The following TMEM170A variants were observed in gnomAD, a reference collection of about 807,000 sequenced individuals.
TMEM170A encodes the protein transmembrane protein 170.
A neutral mutation model predicts 12.8 loss-of-function variants in TMEM170A; 18 were observed. The observed-to-expected ratio is 1.41, with a 90% CI of 0.97 to 2.09. The LOEUF (loss-of-function observed/expected upper bound fraction) is 2.09. TMEM170A is among the 30% of genes most tolerant of loss of function. The probability of loss-of-function intolerance (pLI) is 0.00; values close to 1 mark genes in which losing one functional copy is unlikely to be tolerated. For missense variants in TMEM170A, 220 were observed against 179.9 expected (o/e 1.22, Z -1.28); for synonymous variants, 107 against 76.2 (o/e 1.40, Z -2.11).
At chr16:75,448,098 T>C (rs1406802450) in intron 2 of TMEM170A, among the ~76,000 whole-genome samples, 1 of 152,184 alleles carries the variant, frequency 6.6e-6, no homozygotes, top group Non-Finnish European at 1.5e-5. Context: ...TGAAAAAGGA[T>C]CTTTTGAGTT....
chr16:75,451,969 T>C (rs2079696244), intron 1 of TMEM170A, 130 bp from the exon 2 acceptor site: 7 of 881,824 alleles, frequency 7.9e-6, no homozygotes, highest in Non-Finnish European at 1.0e-5. Flanking sequence ...GAAAAATTTT[T>C]ATTATTTTTA....
chr16:75,449,844 C>T (rs2079651506), intron 2 of TMEM170A, among the ~76,000 whole-genome samples: 1 of 152,028 alleles, frequency 6.6e-6, no homozygotes, highest in Non-Finnish European at 1.5e-5. Context: ...GCTTAAGGAA[C>T]TTGAACTGGG....
chr16:75,448,763 C>CA (rs756119851), intron 2 of TMEM170A, among the ~76,000 whole-genome samples: 70 of 137,318 alleles, frequency 5.1e-4, no homozygotes, highest in South Asian at 9.4e-4. Context: ...GATCCTGTCT[C>CA]AAAAAAAAAA....
rs2079965326 is a variant in TMEM170A at position 75,464,565 on chromosome 16, C to A, written c.36G>T (p.Ser12=). The A allele has an allele frequency of 6.3e-7, 1 of 1,585,854 alleles. No individual in the cohort carries two copies. The highest frequency in any genetic ancestry group is 8.6e-7 in the Non-Finnish European group (1 of 1,169,390). Residue 12 remains serine (S), a synonymous_variant, in exon 1 of 3, where the codon TCG becomes TCT. Coordinates refer to ENST00000561878, the MANE Select transcript of TMEM170A (RefSeq NM_145254.3). ...EREGSGGSGG[S]AGLLQQILSL... ...TCAGGATCTGCTGCAGGAGCCCGGC[C>A]GACCCGCCGCTGCCGCCGCTCCCCT...
At chr16:75,463,937 G>C (rs990782608) in intron 1 of TMEM170A, among the ~76,000 whole-genome samples, 1 of 152,254 alleles carries the variant, frequency 6.6e-6, no homozygotes, top group Non-Finnish European at 1.5e-5. Flanking sequence ...AAAGCGGAGC[G>C]GGTCTCGGAG....
At chr16:75,455,980 GT>G (rs201077388) in intron 1 of TMEM170A, among the ~76,000 whole-genome samples, 1 of 151,006 alleles carries the variant, frequency 6.6e-6, no homozygotes, top group Admixed American at 6.6e-5. Flanking sequence ...TAGTGTGTGT[GT>G]TTTTTCCCCC....
intron 1 of TMEM170A, among the ~76,000 whole-genome samples, chr16:75,457,374 T>C (rs1567702322): frequency 1.3e-5 from 2 of 152,154 alleles, no homozygotes; most frequent in Non-Finnish European, 2.9e-5. Flanking sequence ...GCCCCTACTA[T>C]TCCTGTGTTA....
intron 1 of TMEM170A, among the ~76,000 whole-genome samples, chr16:75,454,250 T>A (rs777116463): frequency 6.8e-6 from 1 of 147,842 alleles, no homozygotes; most frequent in Non-Finnish European, 1.5e-5. Flanking sequence ...TTTCCAGACA[T>A]TGTCAAATGT....
rs183295111 is a variant in TMEM170A, at chr16:75,444,755, G to C, written c.*2803C>G. The C allele has an allele frequency of 5.3e-5, 8 of 151,928 alleles. No individual in the cohort carries two copies. The East Asian group carries it at 1.5e-3, about 29-fold the overall frequency. 9.4% of individuals were successfully genotyped at this position (151,928 alleles called of 1,614,324 possible). A position where few individuals can be genotyped will look rare whatever the true frequency, so the allele number is the denominator to read the frequency against. The stretch of plus-strand genomic sequence containing the variant: ...TCACTGGAGAATACTTCACCTACTG[G>C]GATGGATGAAACACTCAGTAATTTG... On this transcript the variant is annotated 3_prime_UTR_variant, in exon 3 of 3. Coordinates refer to ENST00000561878, the MANE Select transcript of TMEM170A (RefSeq NM_145254.3).
chr16:75,460,846 C>A (rs1268545828), intron 1 of TMEM170A, among the ~76,000 whole-genome samples: 1 of 152,088 alleles, frequency 6.6e-6, no homozygotes, highest in Non-Finnish European at 1.5e-5. Flanking sequence ...GTCTTGATTC[C>A]TGCAAGGATG....
intron 1 of TMEM170A, among the ~76,000 whole-genome samples, chr16:75,457,299 G>T (rs1344410234): frequency 2.0e-5 from 3 of 152,242 alleles, no homozygotes; most frequent in African/African-American, 4.8e-5. Context: ...CACGAAGCTG[G>T]TAATTTCCAG....
At chr16:75,462,383 C>A (rs1001955352) in intron 1 of TMEM170A, among the ~76,000 whole-genome samples, 3 of 152,180 alleles carry the variant, frequency 2.0e-5, no homozygotes, top group Non-Finnish European at 4.4e-5. Flanking sequence ...CTACGCCTGA[C>A]TTTTTAGTAG....
intron 1 of TMEM170A, among the ~76,000 whole-genome samples, chr16:75,453,390 T>C (rs1243631206): frequency 2.0e-5 from 3 of 152,290 alleles, no homozygotes; most frequent in East Asian, 1.9e-4. Context: ...GTCAAGATCA[T>C]GCTACTGCAC....
rs1421980158 is a variant in TMEM170A, at chr16:75,451,513, G to A, written c.304+156C>T. 2.5e-5 allele frequency: 18 copies of A among 726,586 alleles called. No homozygotes were observed. The Admixed American group carries it at 3.9e-4, about 16-fold the overall frequency. 45.0% of individuals were successfully genotyped at this position (726,586 alleles called of 1,614,324 possible). On this transcript the variant is annotated intron_variant, in intron 2 of 2. Transcript: ENST00000561878. ...GCAGTGAGCCAATATTGCAACCACT[G>A]CACTCCGGCCTTGGTGACATAGGGA...
rs1221247848 is a variant in TMEM170A at position 75,446,133 on chromosome 16, C to T, written c.*1425G>A. ...GAGGTTGGAGTGAGCTGAGATTGCACCACTGCACTCCAGCCTGGGCAACAC... is the reference window on the plus strand; with the variant it reads ...GAGGTTGGAGTGAGCTGAGATTGCATCACTGCACTCCAGCCTGGGCAACAC... On this transcript the variant is annotated 3_prime_UTR_variant, in exon 3 of 3. Transcript: ENST00000561878. 1 of 151,216 alleles carries T rather than the reference C, an allele frequency of 6.6e-6. No homozygotes were observed. Among genetic ancestry groups the T allele is most frequent in the Non-Finnish European group, 1.5e-5 (1 of 67,962 alleles). 9.4% of individuals were successfully genotyped at this position (151,216 alleles called of 1,614,324 possible). A position where few individuals can be genotyped will look rare whatever the true frequency, so the allele number is the denominator to read the frequency against.
rs1214304084 is a variant in TMEM170A at position 75,455,898 on chromosome 16, G to A, written c.134-4059C>T. 2.6e-5 allele frequency among the ~76,000 whole-genome samples: 4 copies of A among 152,198 alleles called. No individual in the cohort carries two copies. In the East Asian group the frequency reaches 7.7e-4, roughly 29 times the overall value. ...AGTCAGGGGCATCAATCCGCTTGAG[G>A]GGATTAGAAAGGGGGAGGAGAGGAG... is the stretch of plus-strand genomic sequence containing the variant. On this transcript the variant is annotated intron_variant, in intron 1 of 2. Transcript: ENST00000561878.
rs573369467 is a variant in TMEM170A, at chr16:75,444,812, A to G, written c.*2746T>C. On this transcript the variant is annotated 3_prime_UTR_variant, in exon 3 of 3. Transcript: ENST00000561878. ...CCTTTTATACGTTTAGTTTTTTAAA[A>G]GAGTAGATAACCAAAATATATCAAA... 6.6e-6 allele frequency: 1 copy of G among 152,326 alleles called. No individual in the cohort carries two copies. Among genetic ancestry groups the G allele is most frequent in the South Asian group, 2.1e-4 (1 of 4,828 alleles). 9.4% of individuals were successfully genotyped at this position (152,326 alleles called of 1,614,324 possible).
Position 75,447,347 on chromosome 16 carries a change from C to G in TMEM170A, c.*211G>C. ...ATCTACAAAAAAGAAAGCCAAAAGA[C>G]TTGTTTTGGTTGAGAACAATAGGAG... On this transcript the variant is annotated 3_prime_UTR_variant, in exon 3 of 3. Transcript: ENST00000561878. 2.5e-6 allele frequency: 1 copy of G among 407,754 alleles called. No homozygotes were observed. Among genetic ancestry groups the G allele is most frequent in the East Asian group, 4.1e-5 (1 of 24,488 alleles). 25.3% of individuals were successfully genotyped at this position (407,754 alleles called of 1,614,324 possible).
At chr16:75,463,639 C>G (rs1424728847) in intron 1 of TMEM170A, among the ~76,000 whole-genome samples, 6 of 152,262 alleles carry the variant, frequency 3.9e-5, no homozygotes, top group Admixed American at 3.9e-4. Context: ...CCCACCTCCC[C>G]TTCCAGGGCC....
Sources: gnomAD v4.1 joint callset for allele counts (sites outside exome capture counted in the v4.1 genomes callset) on GRCh38, gnomAD v4.1.1 for gene constraint, MANE v1.5 for transcripts, NCBI Gene and HGNC (gene_info 2026-07-23, HGNC 2026-07-21) for gene names.